Variants in ST3GAL2 observed in about 807,000 individuals in gnomAD.
ST3GAL2 encodes the protein ST3 beta-galactoside alpha-2,3-sialyltransferase 2.
Under a neutral mutation model 37.5 loss-of-function variants are expected in ST3GAL2, and 16 were observed. The ratio of observed to expected loss-of-function variants is 0.43; its 90% CI spans 0.29 to 0.65. The LOEUF is 0.65. ST3GAL2 is among the 30% of genes least tolerant of loss of function. The pLI is 0.17. For missense variants in ST3GAL2, 383 were observed against 487.8 expected, an observed-to-expected ratio of 0.79 and a Z score of 2.02; for synonymous variants, 238 against 202.9, an observed-to-expected ratio of 1.17 and a Z score of -1.47.
intron 1 of ST3GAL2, among the ~76,000 whole-genome samples, chr16:70,423,841 C>T (rs189365079): frequency 6.6e-6 from 1 of 151,648 alleles, no homozygotes; most frequent in African/African-American, 2.4e-5. Flanking sequence ...GAGGCTGAGG[C>T]GGGCAGATCA....
At chr16:70,409,827 T>TC (rs1283255361) in intron 1 of ST3GAL2, among the ~76,000 whole-genome samples, 17 of 149,824 alleles carry the variant, frequency 1.1e-4, no homozygotes, top group African/African-American at 4.2e-4. Flanking sequence ...TTTTTTTTTT[T>TC]CATAAAGACA....
chr16:70,438,783 C>G (rs1247871512), intron 1 of ST3GAL2, among the ~76,000 whole-genome samples, 166 bp downstream of exon 1: 1 of 151,988 alleles, frequency 6.6e-6, no homozygotes, highest in African/African-American at 2.4e-5. Flanking sequence ...CGCGCGGACC[C>G]CCGCCCACAC....
chr16:70,421,834 C>T (rs1193165321), intron 1 of ST3GAL2, among the ~76,000 whole-genome samples: 2 of 149,058 alleles, frequency 1.3e-5, no homozygotes, highest in Non-Finnish European at 2.9e-5. Flanking sequence ...CACCTGACTT[C>T]GCTTTCAGAG....
At chr16:70,410,240 CTTTTTTTTTTTTTT>C (rs751045679) in intron 1 of ST3GAL2, among the ~76,000 whole-genome samples, 7 of 62,664 alleles carry the variant, frequency 1.1e-4, no homozygotes, top group African/African-American at 5.0e-4. Flanking sequence ...CCACCCTCAC[CTTTTTTTTTTTTTT>C]TTTTTTTTTT....
intron 1 of ST3GAL2, among the ~76,000 whole-genome samples, chr16:70,403,296 A>C (rs2047568197): frequency 6.6e-6 from 1 of 152,220 alleles, no homozygotes; most frequent in African/African-American, 2.4e-5. Context: ...TGGCCTGAGC[A>C]ACCTTGTGGA....
chr16:70,391,146 A>G (rs2047479607), intron 3 of ST3GAL2, among the ~76,000 whole-genome samples: 1 of 152,164 alleles, frequency 6.6e-6, no homozygotes, highest in Admixed American at 6.5e-5. Flanking sequence ...TGTCTTCCTC[A>G]GGGACGGGAC....
intron 1 of ST3GAL2, among the ~76,000 whole-genome samples, chr16:70,405,280 G>T (rs1322898680): frequency 6.6e-6 from 1 of 152,112 alleles, no homozygotes; most frequent in East Asian, 1.9e-4. Flanking sequence ...GGTGGCTCAC[G>T]CCTGTAATCC....
intron 1 of ST3GAL2, among the ~76,000 whole-genome samples, chr16:70,418,187 G>A (rs762701677): frequency 3.3e-5 from 5 of 152,212 alleles, no homozygotes; most frequent in Non-Finnish European, 7.4e-5. Flanking sequence ...AGACTGGGAA[G>A]AGCCCTCACT....
rs780969604 is a variant in ST3GAL2 at position 70,392,221 on chromosome 16, T to C, written c.533+2761A>G. Among the ~76,000 whole-genome samples, 3 of 152,186 alleles carry C rather than the reference T, an allele frequency of 2.0e-5. No individual in the cohort carries two copies. In the South Asian group the frequency reaches 6.2e-4, roughly 32 times the overall value. ...GGAGCAAGAGGTCCCAAAATATGTT[T>C]CACAGCCTCCAAGGGAAAGGGAAGG... On this transcript the variant is annotated intron_variant, in intron 3 of 6. Transcript: ENST00000342907.
chr16:70,426,853 CTCTT>C (rs145480002), intron 1 of ST3GAL2, among the ~76,000 whole-genome samples: 66 of 151,712 alleles, frequency 4.4e-4, no homozygotes, highest in African/African-American at 1.4e-3. Flanking sequence ...TGGATTTTCT[CTCTT>C]TCTTTTTTGA....
intron 1 of ST3GAL2, chr16:70,399,768 C>T (rs762880862): frequency 2.4e-5 from 6 of 245,388 alleles, no homozygotes; most frequent in Admixed American, 2.2e-4. Context: ...AGAAGGTAAA[C>T]GAGTCAAGTG....
chr16:70,405,469 A>T (rs750891926), intron 1 of ST3GAL2, among the ~76,000 whole-genome samples: 1 of 140,770 alleles, frequency 7.1e-6, no homozygotes, highest in African/African-American at 2.7e-5. Context: ...TGAACCCGGG[A>T]GGCGGAGCTT....
In ST3GAL2 at chr16:70,399,346, A is replaced by G. The variant is rs1216497955; in HGVS notation, c.-816T>C. The stretch of plus-strand genomic sequence containing the variant: ...GCTGTTCAGCGGGGCACTGTGTCCA[A>G]TACCATCTGGGTCAGGCGAGCTTGT... On this transcript the variant is annotated 5_prime_UTR_variant, in exon 2 of 7. Coordinates refer to ENST00000342907, the MANE Select transcript of ST3GAL2 (RefSeq NM_006927.4). 7.5e-6 allele frequency: 3 copies of G among 398,628 alleles called. No homozygotes were observed. The highest frequency in any genetic ancestry group is 7.1e-5 in the East Asian group (2 of 28,076). The allele number at this position is 398,628 out of a possible 1,614,324, so 24.7% of individuals were successfully genotyped here. A position where few individuals can be genotyped will look rare whatever the true frequency, so the allele number is the denominator to read the frequency against.
rs376953208 is a variant in ST3GAL2 at position 70,379,451 on chromosome 16, T to G, written c.*2238A>C. The G allele has an allele frequency of 7.9e-5, 12 of 152,340 alleles. No homozygotes were observed. In the South Asian group the frequency reaches 2.3e-3, roughly 29 times the overall value. The allele number at this position is 152,340 out of a possible 1,614,324, so 9.4% of individuals were successfully genotyped here. The stretch of plus-strand genomic sequence containing the variant: ...GTTCTCAGCCATTATCAGTCACAGC[T>G]ATCCTACCAGACCCGCCTTCTTCCA... On this transcript the variant is annotated 3_prime_UTR_variant, in exon 7 of 7. Coordinates refer to ENST00000342907, the MANE Select transcript of ST3GAL2 (RefSeq NM_006927.4).
At chr16:70,415,658 G>C (rs1297794482) in intron 1 of ST3GAL2, among the ~76,000 whole-genome samples, 3 of 148,254 alleles carry the variant, frequency 2.0e-5, no homozygotes, top group Admixed American at 6.7e-5. Flanking sequence ...CACCATGTTG[G>C]CTAGGCTGGT....
chr16:70,388,386 A>G lies in ST3GAL2; in HGVS notation c.694T>C (p.Ser232Pro). ...GCTCACAATCGGATCTGCCCCGTGG[A>G]CAAGGCGCTGGCGATCCACAGAAGG... is the stretch of plus-strand genomic sequence containing the variant. ...LDLLWIASAL[S>P]TGQIRFTYAP... is the part of the protein sequence containing the mutation. The change falls in exon 4 of 7, where the codon TCC (serine) becomes CCC (proline). Residue 232 changes from serine to proline, a missense_variant. By Grantham distance (74) the Ser-to-Pro change is moderately conservative. Coordinates refer to ENST00000342907, the MANE Select transcript of ST3GAL2 (RefSeq NM_006927.4). 6.2e-7 allele frequency: 1 copy of G among 1,614,188 alleles called. No individual in the cohort carries two copies. Among genetic ancestry groups the G allele is most frequent in the Non-Finnish European group, 8.5e-7 (1 of 1,180,034 alleles).
intron 1 of ST3GAL2, among the ~76,000 whole-genome samples, chr16:70,414,140 G>C (rs1228070374): frequency 6.6e-6 from 1 of 152,170 alleles, no homozygotes; most frequent in Non-Finnish European, 1.5e-5. Flanking sequence ...GGATGAATTG[G>C]ATTTAACTAT....
intron 1 of ST3GAL2, among the ~76,000 whole-genome samples, chr16:70,429,638 C>CTTT (rs1027728995): frequency 1.8e-4 from 16 of 89,966 alleles, no homozygotes; most frequent in East Asian, 3.4e-4. Flanking sequence ...GCTTTAAATT[C>CTTT]TTTTTTTTTT....
chr16:70,379,154 C>T lies in ST3GAL2; in HGVS notation c.*2535G>A, dbSNP rs985420075. On this transcript the variant is annotated 3_prime_UTR_variant, in exon 7 of 7. Transcript: ENST00000342907. ...CCAGCCTGTGGCCACCCAAATGTAT[C>T]GGAGCCTGATGGATACCTGGAGACA... The T allele has an allele frequency of 1.6e-4, 25 of 152,158 alleles. No homozygotes were observed. The highest frequency in any genetic ancestry group is 4.8e-4 in the African/African-American group (20 of 41,416). 9.4% of individuals were successfully genotyped at this position (152,158 alleles called of 1,614,324 possible).
Sources: gnomAD v4.1 joint callset for allele counts (sites outside exome capture counted in the v4.1 genomes callset) on GRCh38, gnomAD v4.1.1 for gene constraint, MANE v1.5 for transcripts, NCBI Gene and HGNC (gene_info 2026-07-23, HGNC 2026-07-21) for gene names.